The following SLC24A3 variants were observed in gnomAD, a reference collection of about 807,000 sequenced individuals.
The protein encoded by SLC24A3 is solute carrier family 24 member 3, also known as sodium/potassium/calcium exchanger 3.
SLC24A3 carries 28 observed loss-of-function variants against 75.8 expected under a neutral mutation model. The observed-to-expected ratio is 0.37, with a 90% CI of 0.27 to 0.51. The LOEUF (loss-of-function observed/expected upper bound fraction) is 0.51, where lower values mean the gene tolerates loss of function less well. Ranked by LOEUF, SLC24A3 falls within the 20% of genes least tolerant of loss-of-function variation. SLC24A3 has a pLI of 0.94. For synonymous variants in SLC24A3, 372 were observed against 334.1 expected, an observed-to-expected ratio of 1.11 and a Z score of -1.24; for missense variants, 663 against 847.8, an observed-to-expected ratio of 0.78 and a Z score of 2.71.
At chr20:19,328,975 C>T (rs1984932743) in intron 2 of SLC24A3, among the ~76,000 whole-genome samples, 1 of 152,092 alleles carries the variant, frequency 6.6e-6, no homozygotes, top group South Asian at 2.1e-4. Flanking sequence ...GGAGAGGTGG[C>T]CTGAAAGTTG....
At chr20:19,457,462 A>G (rs192537056) in intron 2 of SLC24A3, among the ~76,000 whole-genome samples, 16 of 152,374 alleles carry the variant, frequency 1.1e-4, no homozygotes, top group African/African-American at 1.7e-4. Context: ...ATTGAATTCC[A>G]TAAAAGAAAA....
intron 2 of SLC24A3, among the ~76,000 whole-genome samples, chr20:19,428,137 G>A (rs1437836794): frequency 3.3e-5 from 5 of 152,158 alleles, no homozygotes; most frequent in African/African-American, 1.2e-4. Context: ...TTCCTCAGCC[G>A]TCTCTCCATG....
intron 3 of SLC24A3, among the ~76,000 whole-genome samples, chr20:19,555,118 T>C (rs2030762238): frequency 6.6e-6 from 1 of 152,202 alleles, no homozygotes; most frequent in South Asian, 2.1e-4. Context: ...GCAGCAATAA[T>C]GAATCTTCAA....
intron 3 of SLC24A3, among the ~76,000 whole-genome samples, chr20:19,529,870 TC>T (rs2122574332): frequency 6.6e-6 from 1 of 152,314 alleles, no homozygotes; most frequent in East Asian, 1.9e-4. Context: ...AAAATTTGAT[TC>T]CACTCTTTGC....
chr20:19,229,988 A>G (rs1468615142), intron 1 of SLC24A3, among the ~76,000 whole-genome samples: 1 of 151,150 alleles, frequency 6.6e-6, no homozygotes, highest in African/African-American at 2.4e-5. Flanking sequence ...TTTTTCTTTC[A>G]TATATCCTAT....
At chr20:19,587,278 A>G (rs1190587888) in intron 6 of SLC24A3, among the ~76,000 whole-genome samples, 12 of 152,230 alleles carry the variant, frequency 7.9e-5, no homozygotes, top group Admixed American at 7.9e-4. Context: ...GTGCCACACA[A>G]CTAATTACTT....
intron 1 of SLC24A3, among the ~76,000 whole-genome samples, chr20:19,253,151 C>T (rs577353297): frequency 6.6e-6 from 1 of 152,112 alleles, no homozygotes; most frequent in Non-Finnish European, 1.5e-5. Flanking sequence ...CTGCCATTTC[C>T]TATAGGAGTA....
chr20:19,498,752 C>T (rs1463913498), intron 2 of SLC24A3, among the ~76,000 whole-genome samples: 2 of 152,202 alleles, frequency 1.3e-5, no homozygotes, highest in African/African-American at 2.4e-5. Flanking sequence ...TGTCCTCCCC[C>T]ACCAAAAATG....
intron 8 of SLC24A3, among the ~76,000 whole-genome samples, chr20:19,671,734 G>T (rs2032469672): frequency 6.6e-6 from 1 of 152,116 alleles, no homozygotes; most frequent in African/African-American, 2.4e-5. Context: ...AGACTTCCAG[G>T]TGCAGAGGCC....
chr20:19,720,180 G>C (rs1465075205), intron 16 of SLC24A3, among the ~76,000 whole-genome samples: 1 of 152,256 alleles, frequency 6.6e-6, no homozygotes, highest in African/African-American at 2.4e-5. Context: ...ATGGTTGGCT[G>C]TAGCACTTGA....
intron 9 of SLC24A3, among the ~76,000 whole-genome samples, chr20:19,675,947 A>AT (rs1332828467): frequency 1.1e-4 from 17 of 152,068 alleles, no homozygotes; most frequent in Non-Finnish European, 1.8e-4. Context: ...CATCGTTTCA[A>AT]TTTTTTAACA....
At chr20:19,652,000 T>G (rs1020252901) in intron 6 of SLC24A3, among the ~76,000 whole-genome samples, 13 of 152,084 alleles carry the variant, frequency 8.5e-5, no homozygotes, top group African/African-American at 2.9e-4. Flanking sequence ...TCTATTAAGG[T>G]AAAGAATGAG....
chr20:19,661,691 C>A (rs2032328326), intron 7 of SLC24A3, among the ~76,000 whole-genome samples: 1 of 152,200 alleles, frequency 6.6e-6, no homozygotes, highest in African/African-American at 2.4e-5. Flanking sequence ...TTCAGCAATG[C>A]AGCCTCTCCT....
intron 6 of SLC24A3, among the ~76,000 whole-genome samples, chr20:19,613,913 T>G (rs553154149): frequency 6.6e-6 from 1 of 152,338 alleles, no homozygotes; most frequent in Admixed American, 6.5e-5. Flanking sequence ...TGTTCTATAT[T>G]AAGATGTGAA....
intron 3 of SLC24A3, among the ~76,000 whole-genome samples, chr20:19,566,971 C>A (rs2030968599): frequency 1.3e-5 from 2 of 152,128 alleles, no homozygotes; most frequent in African/African-American, 4.8e-5. Flanking sequence ...CCATCTCACA[C>A]CAGATAGAAT....
chr20:19,381,637 T>C (rs1986183400), intron 2 of SLC24A3, among the ~76,000 whole-genome samples: 1 of 152,230 alleles, frequency 6.6e-6, no homozygotes, highest in African/African-American at 2.4e-5. Flanking sequence ...GAGAAGGAGA[T>C]GAGCAGCTCT....
intron 6 of SLC24A3, among the ~76,000 whole-genome samples, chr20:19,595,863 G>A (rs1334749405): frequency 6.6e-6 from 1 of 152,148 alleles, no homozygotes; most frequent in Non-Finnish European, 1.5e-5. Flanking sequence ...GTGTCTCAAA[G>A]AAACCCCAAA....
At chr20:19,698,504 G>A (rs1373927399) in intron 14 of SLC24A3, 64 bp from the exon 15 acceptor site, 5 of 1,177,572 alleles carry the variant, frequency 4.2e-6, no homozygotes, top group Non-Finnish European at 6.2e-6. Context: ...TAAAGGCTTG[G>A]GAGAGTCCTG....
chr20:19,567,632 T>C (rs1038532970), intron 3 of SLC24A3, among the ~76,000 whole-genome samples: 3 of 152,178 alleles, frequency 2.0e-5, no homozygotes, highest in African/African-American at 7.2e-5. Flanking sequence ...GTAACAAGCC[T>C]GCACATCTAT....
Sources: allele counts gnomAD v4.1 joint callset (sites outside exome capture counted in the v4.1 genomes callset), GRCh38; gene constraint gnomAD v4.1.1; transcripts MANE v1.5; gene names NCBI Gene and HGNC (gene_info 2026-07-23, HGNC 2026-07-21).